Variants in KIF13A observed in about 807,000 individuals in gnomAD.
KIF13A encodes the protein kinesin-like protein KIF13A.
Under a neutral mutation model 212.2 loss-of-function variants are expected in KIF13A, and 79 were observed. That is an observed-to-expected ratio of 0.37 (90% CI 0.31 to 0.45). The LOEUF (loss-of-function observed/expected upper bound fraction) is 0.45. Among genes scored for constraint, KIF13A ranks in the 20% least tolerant of loss-of-function variants. The pLI is 1.00. For missense variants in KIF13A, 1,901 were observed against 2,209.0 expected, an observed-to-expected ratio of 0.86 and a Z score of 2.79; for synonymous variants, 789 against 808.6, an observed-to-expected ratio of 0.98 and a Z score of 0.41.
chr6:17,987,002 G>T lies in KIF13A; in HGVS notation c.146+52C>A. 1 of 1,387,460 alleles carries T rather than the reference G, an allele frequency of 7.2e-7. No homozygotes were observed. 85.9% of individuals were successfully genotyped at this position (1,387,460 alleles called of 1,614,324 possible). On this transcript the variant is annotated intron_variant, in intron 2 of 38. Coordinates refer to ENST00000259711, the MANE Select transcript of KIF13A (RefSeq NM_022113.6). This position sits in a 1 kb window ranked among gnomAD's most constrained non-coding sequence, Gnocchi z 7.7. ...TCCCATTTTCCTGGCTCAAACTTGC[G>T]GGACCCCGCGAGGCTGGATCCTCCC...
intron 2 of KIF13A, among the ~76,000 whole-genome samples, chr6:17,950,243 A>T (rs1352828610): frequency 2.0e-5 from 3 of 152,104 alleles, no homozygotes; most frequent in Non-Finnish European, 4.4e-5. Context: ...CCATAAATAC[A>T]AAATTACAAA....
chr6:17,963,349 G>A lies in KIF13A; in HGVS notation c.146+23705C>T, dbSNP rs922312373. 1.3e-5 allele frequency among the ~76,000 whole-genome samples: 2 copies of A among 152,120 alleles called. No individual in the cohort carries two copies. Among genetic ancestry groups the A allele is most frequent in the African/African-American group, 4.8e-5 (2 of 41,424 alleles). ...AGGAGAATCACTTGAACCTGGGAGG[G>A]AGAGGCTGCAGTGAGCTAAGATCGT... On this transcript the variant is annotated intron_variant, in intron 2 of 38. Transcript: ENST00000259711. The surrounding 1 kb of genome is among the most constrained non-coding windows in gnomAD (Gnocchi z 4.1).
Position 17,779,181 on chromosome 6 carries a change from G to C in KIF13A, c.3940-82C>G. Reference sequence around the variant, plus strand: ...AGTGTGGTGAGAAAACGTTTTAGAAGTCTGGAGAATGAACACATTCTCCAT... The same window carrying C: ...AGTGTGGTGAGAAAACGTTTTAGAACTCTGGAGAATGAACACATTCTCCAT... On this transcript the variant is annotated intron_variant, in intron 32 of 38. Coordinates refer to ENST00000259711, the MANE Select transcript of KIF13A (RefSeq NM_022113.6). 3 of 1,129,690 alleles carry C rather than the reference G, an allele frequency of 2.7e-6. No homozygotes were observed. The African/African-American group carries it at 4.7e-5, about 18-fold the overall frequency. The allele number at this position is 1,129,690 out of a possible 1,614,324, so 70.0% of individuals were successfully genotyped here. A position where few individuals can be genotyped will look rare whatever the true frequency, so the allele number is the denominator to read the frequency against.
intron 2 of KIF13A, among the ~76,000 whole-genome samples, chr6:17,942,943 C>T (rs1247782347): frequency 6.6e-6 from 1 of 152,056 alleles, no homozygotes; most frequent in Non-Finnish European, 1.5e-5. Context: ...TGTGCCACTA[C>T]ACTCCAGGCT....
intron 2 of KIF13A, among the ~76,000 whole-genome samples, chr6:17,960,791 G>A (rs1318360563): frequency 2.6e-5 from 4 of 152,290 alleles, no homozygotes; most frequent in African/African-American, 4.8e-5. Flanking sequence ...ATATAGTAGT[G>A]CAGGAGAAAC....
rs1279035645 is a variant in KIF13A, at chr6:17,915,680, G to A, written c.147-17500C>T. 6.6e-6 allele frequency among the ~76,000 whole-genome samples: 1 copy of A among 152,116 alleles called. No homozygotes were observed. The highest frequency in any genetic ancestry group is 1.5e-5 in the Non-Finnish European group (1 of 68,014). ...ACCAGGACAGGAAAATTACAGTTCA[G>A]GCCAGGCACAGTGGCTCACGCCTGT... is the stretch of plus-strand genomic sequence containing the variant. On this transcript the variant is annotated intron_variant, in intron 2 of 38. Coordinates refer to ENST00000259711, the MANE Select transcript of KIF13A (RefSeq NM_022113.6). The surrounding 1 kb of genome is among the most constrained non-coding windows in gnomAD (Gnocchi z 4.4).
chr6:17,859,638 A>ATAT (rs1461455926), intron 4 of KIF13A, among the ~76,000 whole-genome samples: 6 of 111,860 alleles, frequency 5.4e-5, no homozygotes, highest in African/African-American at 1.4e-4. Context: ...ATATATATAT[A>ATAT]TTTTTTTTTT....
rs188242823 is a variant in KIF13A at position 17,889,645 on chromosome 6, A to C, written c.159+8523T>G. 3.3e-5 allele frequency among the ~76,000 whole-genome samples: 5 copies of C among 152,308 alleles called. No homozygotes were observed. The East Asian group carries it at 9.7e-4, about 29-fold the overall frequency. ...ACTCATTTACAATCATATGATGTCA[A>C]AGAAAATACACTTGTCCCTCTGTAT... On this transcript the variant is annotated intron_variant, in intron 3 of 38. Transcript: ENST00000259711.
chr6:17,984,102 T>G lies in KIF13A; in HGVS notation c.146+2952A>C, dbSNP rs1335234597. Among the ~76,000 whole-genome samples, 1 of 152,206 alleles carries G rather than the reference T, an allele frequency of 6.6e-6. No individual in the cohort carries two copies. The highest frequency in any genetic ancestry group is 1.9e-4 in the East Asian group (1 of 5,194). On this transcript the variant is annotated intron_variant, in intron 2 of 38. Transcript: ENST00000259711. This position sits in a 1 kb window ranked among gnomAD's most constrained non-coding sequence, Gnocchi z 5.0. ...AAGTAGGATAAGGTACCTACCTGCC[T>G]TCAAGCAGTTCACAGCCTCCAGGGA... is the stretch of plus-strand genomic sequence containing the variant.
chr6:17,923,290 A>G (rs1294015597), intron 2 of KIF13A, among the ~76,000 whole-genome samples: 3 of 151,508 alleles, frequency 2.0e-5, no homozygotes, highest in Non-Finnish European at 4.4e-5. Flanking sequence ...AAATAAATAA[A>G]TAAATAAATA....
intron 4 of KIF13A, among the ~76,000 whole-genome samples, chr6:17,859,595 T>C (rs1018396268): frequency 2.0e-5 from 3 of 148,664 alleles, no homozygotes; most frequent in Non-Finnish European, 4.5e-5. Context: ...ATAATTTTTA[T>C]CAACTGTCCT....
In KIF13A at chr6:17,785,711, G is replaced by T. The variant is rs114849306; in HGVS notation, c.3362-70C>A. ...ATGACTTCTCAGTTTACAAGGAATA[G>T]ATTTCAGCCTGGGCAACATAGTGAG... On this transcript the variant is annotated intron_variant, in intron 27 of 38. Transcript: ENST00000259711. This position sits in a 1 kb window ranked among gnomAD's most constrained non-coding sequence, Gnocchi z 5.8. 1.5e-3 allele frequency: 2,285 copies of T among 1,521,604 alleles called. 37 individuals carry two copies. In the African/African-American group the frequency reaches 0.029, roughly 19 times the overall value. 94.3% of individuals were successfully genotyped at this position (1,521,604 alleles called of 1,614,324 possible).
At chr6:17,812,730 T>C (rs1481963447) in intron 17 of KIF13A, 1 of 152,220 alleles carries the variant, frequency 6.6e-6, no homozygotes, top group African/African-American at 2.4e-5. Context: ...TAGTTCTGTT[T>C]TTAGCTCTTT....
chr6:17,798,653 T>C (rs1217125825), intron 22 of KIF13A, among the ~76,000 whole-genome samples: 1 of 152,208 alleles, frequency 6.6e-6, no homozygotes, highest in African/African-American at 2.4e-5. Context: ...ATGGAGCTGG[T>C]CTTTTAGAAA....
chr6:17,907,602 C>T (rs1359102143), intron 2 of KIF13A, among the ~76,000 whole-genome samples: 1 of 150,182 alleles, frequency 6.7e-6, no homozygotes, highest in Non-Finnish European at 1.5e-5. Flanking sequence ...TAGAAGGCTG[C>T]AAACGACTAC....
Position 17,780,845 on chromosome 6 carries a change from G to A in KIF13A, c.3731C>T (p.Thr1244Ile). 1 of 1,613,884 alleles carries A rather than the reference G, an allele frequency of 6.2e-7. No individual in the cohort carries two copies. Among genetic ancestry groups the A allele is most frequent in the Non-Finnish European group, 8.5e-7 (1 of 1,179,794 alleles). ...VHDSVHLNRV[T>I]PQNERIYLIV... ...TAGGTAAATCCTTTCATTCTGTGGT[G>A]TGACCCTATTCAAGTGAACAGAATC... Residue 1244 changes from threonine to isoleucine, a missense_variant, in exon 31 of 39, where the codon ACA becomes ATA. By Grantham distance (89) the Thr-to-Ile change is moderately conservative (BLOSUM62 -1). This residue lies in a region of KIF13A where 687 missense variants were observed against 759.1 expected (regional missense o/e 0.90). Coordinates refer to ENST00000259711, the MANE Select transcript of KIF13A (RefSeq NM_022113.6).
At chr6:17,928,002 G>C (rs1387207759) in intron 2 of KIF13A, among the ~76,000 whole-genome samples, 2 of 152,238 alleles carry the variant, frequency 1.3e-5, no homozygotes, top group African/African-American at 4.8e-5. Context: ...GAGAAAGGCA[G>C]TCTAGAATCT....
intron 2 of KIF13A, among the ~76,000 whole-genome samples, chr6:17,973,248 C>G (rs1044937462): frequency 6.6e-6 from 1 of 152,184 alleles, no homozygotes; most frequent in Admixed American, 6.5e-5. Context: ...CTGGATCCCA[C>G]AAAGAACACA....
Position 17,792,277 on chromosome 6 carries a change from C to T in KIF13A, c.3222+1972G>A, listed in dbSNP as rs1045282295. On this transcript the variant is annotated intron_variant, in intron 25 of 38. Coordinates refer to ENST00000259711, the MANE Select transcript of KIF13A (RefSeq NM_022113.6). ...ATGAGAACATTTAGTTAGTTGATGACCCATATACTTATACTGCAGGTCACA... is the reference window on the plus strand; with the variant it reads ...ATGAGAACATTTAGTTAGTTGATGATCCATATACTTATACTGCAGGTCACA... 3.3e-5 allele frequency among the ~76,000 whole-genome samples: 5 copies of T among 150,938 alleles called. No homozygotes were observed. The South Asian group carries it at 6.3e-4, about 19-fold the overall frequency.
Sources: allele counts gnomAD v4.1 joint callset (sites outside exome capture counted in the v4.1 genomes callset), GRCh38; gene constraint gnomAD v4.1.1; regional missense constraint gnomAD v4.1.1; non-coding constraint Gnocchi (gnomAD v3.1); transcripts MANE v1.5; gene names NCBI Gene and HGNC (gene_info 2026-07-23, HGNC 2026-07-21).